Variants in HRH1 observed in about 807,000 individuals in gnomAD.
HRH1 encodes the protein histamine H1 receptor.
Under a neutral mutation model 10.3 loss-of-function variants are expected in HRH1, and 6 were observed. That is an observed-to-expected ratio of 0.58 (90% CI 0.32 to 1.15). The LOEUF is 1.15. Ranked by LOEUF, HRH1 falls within the 50% of genes most tolerant of loss-of-function variation. The probability of loss-of-function intolerance (pLI) is 0.05; values close to 1 mark genes in which losing one functional copy is unlikely to be tolerated. For missense variants in HRH1, 514 were observed against 615.3 expected (o/e 0.84, Z 1.74); for synonymous variants, 242 against 236.7 (o/e 1.02, Z -0.21).
rs148595580 is a variant in HRH1, at chr3:11,193,810, G to A, written c.-36+39256G>A. Among the ~76,000 whole-genome samples, 358 of 152,298 alleles carry A rather than the reference G, an allele frequency of 2.4e-3. 2 individuals are homozygous for A. The highest frequency in any genetic ancestry group is 8.2e-3 in the African/African-American group (340 of 41,568). On this transcript the variant is annotated intron_variant, in intron 1 of 1. Transcript: ENST00000431010. The stretch of plus-strand genomic sequence containing the variant: ...AGTCTCTGTCAGGCCTCTCGTGTAA[G>A]AGCACTAATCCCATTCAGGAGAGGT...
At chr3:11,151,692 C>A (rs2125001825), upstream of HRH1, among the ~76,000 whole-genome samples, 1 of 152,168 alleles carries the variant, frequency 6.6e-6, no homozygotes, top group African/African-American at 2.4e-5. Context: ...GAGACAAGGT[C>A]TCCTCCCCGT....
rs575879208 is a variant in HRH1, at chr3:11,178,734, G to T, written c.-36+24180G>T. Among the ~76,000 whole-genome samples the T allele has an allele frequency of 2.0e-5, 3 of 152,228 alleles. No individual in the cohort carries two copies. The South Asian group carries it at 6.2e-4, about 32-fold the overall frequency. On this transcript the variant is annotated intron_variant, in intron 1 of 1. Coordinates refer to ENST00000431010, the MANE Select transcript of HRH1 (RefSeq NM_001098212.2). ...AGGGTCCTCCTGTGGGATGACACAG[G>T]ATTTTACCCACCACCCAGACCCTTT...
chr3:11,231,306 T>G (rs1212363598), intron 1 of HRH1, among the ~76,000 whole-genome samples: 1 of 151,602 alleles, frequency 6.6e-6, no homozygotes, highest in African/African-American at 2.4e-5. Flanking sequence ...TCATGTTCAG[T>G]TTTTTTTTCT....
chr3:11,162,300 C>T (rs936463453), intron 1 of HRH1, among the ~76,000 whole-genome samples: 2 of 152,016 alleles, frequency 1.3e-5, no homozygotes, highest in Non-Finnish European at 2.9e-5. Context: ...ATGATGCTCC[C>T]ATCGAGTGGC....
At chr3:11,173,583 A>T (rs1329176412) in intron 1 of HRH1, among the ~76,000 whole-genome samples, 1 of 151,498 alleles carries the variant, frequency 6.6e-6, no homozygotes, top group Non-Finnish European at 1.5e-5. Flanking sequence ...TATATTTTTG[A>T]TATTTATTAT....
rs541417477 is a variant in HRH1 at position 11,206,012 on chromosome 3, C to T, written c.-36+51458C>T. Among the ~76,000 whole-genome samples the T allele has an allele frequency of 3.3e-5, 5 of 152,242 alleles. No homozygotes were observed. In the South Asian group the frequency reaches 1.0e-3, roughly 32 times the overall value. ...TGGCTGCCATTTGGGGCTGGACCTT[C>T]CCCAGGCCCTGGATGTCTGAGGTCT... On this transcript the variant is annotated intron_variant, in intron 1 of 1. Coordinates refer to ENST00000431010, the MANE Select transcript of HRH1 (RefSeq NM_001098212.2).
chr3:11,188,491 G>A (rs1057018565), intron 1 of HRH1, among the ~76,000 whole-genome samples: 4 of 152,166 alleles, frequency 2.6e-5, no homozygotes, highest in African/African-American at 9.7e-5. Context: ...GGAAGTGGAG[G>A]CAGCAGTGAG....
intron 1 of HRH1, among the ~76,000 whole-genome samples, chr3:11,198,402 G>A (rs192649734): frequency 2.5e-3 from 388 of 152,166 alleles, no homozygotes; most frequent in Non-Finnish European, 4.5e-3. Flanking sequence ...TTTATTTAAC[G>A]AAGGGACAAG....
At chr3:11,246,412 G>A (rs1167288662) in intron 1 of HRH1, among the ~76,000 whole-genome samples, 2 of 152,164 alleles carry the variant, frequency 1.3e-5, no homozygotes, top group Non-Finnish European at 2.9e-5. Flanking sequence ...CCTGAGTGGC[G>A]TGTAGTGACA....
intron 1 of HRH1, among the ~76,000 whole-genome samples, chr3:11,249,839 T>C (rs1409216523): frequency 6.6e-6 from 1 of 152,128 alleles, no homozygotes; most frequent in Non-Finnish European, 1.5e-5. Flanking sequence ...ATTTCCAGTC[T>C]GAGGAGAGCC....
chr3:11,186,273 C>T (rs1429386684), intron 1 of HRH1, among the ~76,000 whole-genome samples: 4 of 152,134 alleles, frequency 2.6e-5, no homozygotes, highest in South Asian at 2.1e-4. Context: ...AAAGCTATGC[C>T]GCTTGCTCCC....
chr3:11,216,233 A>G (rs1328816084), intron 1 of HRH1, among the ~76,000 whole-genome samples: 3 of 152,208 alleles, frequency 2.0e-5, no homozygotes, highest in African/African-American at 2.4e-5. Context: ...AAAATTAAAC[A>G]TAGAATTACC....
At chr3:11,211,601 C>T (rs1938329175) in intron 1 of HRH1, among the ~76,000 whole-genome samples, 1 of 152,226 alleles carries the variant, frequency 6.6e-6, no homozygotes, top group Admixed American at 6.5e-5. Context: ...GCACCGGGGC[C>T]TTCCTGGCTA....
intron 1 of HRH1, among the ~76,000 whole-genome samples, chr3:11,224,727 G>A (rs1938827440): frequency 6.6e-6 from 1 of 151,770 alleles, no homozygotes; most frequent in Admixed American, 6.6e-5. Context: ...GAAATTGGAT[G>A]TTGGAGTCAG....
intron 1 of HRH1, among the ~76,000 whole-genome samples, chr3:11,172,442 C>A (rs1264230834): frequency 1.3e-5 from 2 of 152,188 alleles, no homozygotes; most frequent in African/African-American, 2.4e-5. Context: ...ACTCAAACAG[C>A]AGATAAGCTT....
chr3:11,214,003 G>A (rs1021290232), intron 1 of HRH1, among the ~76,000 whole-genome samples: 1 of 152,178 alleles, frequency 6.6e-6, no homozygotes, highest in Non-Finnish European at 1.5e-5. Flanking sequence ...TGGGCCTGGG[G>A]CCGGGCAAGG....
intron 1 of HRH1, among the ~76,000 whole-genome samples, chr3:11,208,580 C>T (rs1575013279): frequency 1.3e-5 from 2 of 152,250 alleles, no homozygotes; most frequent in Middle Eastern, 6.8e-3. Flanking sequence ...GTGAACAATC[C>T]AGGGAATATT....
rs544633828 is a variant in HRH1, at chr3:11,189,198, C to T, written c.-36+34644C>T. On this transcript the variant is annotated intron_variant, in intron 1 of 1. Coordinates refer to ENST00000431010, the MANE Select transcript of HRH1 (RefSeq NM_001098212.2). ...CCTGTGTAGATGCAACCCCAGATTT[C>T]TGCATCCTCAGACTAATGTATTACC... Among the ~76,000 whole-genome samples, 80 of 151,830 alleles carry T rather than the reference C, an allele frequency of 5.3e-4. 2 individuals are homozygous for T. The South Asian group carries it at 0.016, about 31-fold the overall frequency.
At chr3:11,175,845 A>G (rs7619408) in intron 1 of HRH1, among the ~76,000 whole-genome samples, 6,204 of 152,218 alleles carry the variant, frequency 0.041, 249 homozygotes, top group African/African-American at 0.1. Context: ...TTCAAGTTAC[A>G]TGATCAGAGC....
Sources: allele counts gnomAD v4.1 joint callset (sites outside exome capture counted in the v4.1 genomes callset), GRCh38; gene constraint gnomAD v4.1.1; transcripts MANE v1.5; gene names NCBI Gene and HGNC (gene_info 2026-07-23, HGNC 2026-07-21).